DAGLA: variants seen among roughly 807,000 people sequenced by gnomAD.
DAGLA encodes the protein diacylglycerol lipase-alpha.
Under a neutral mutation model 102.6 loss-of-function variants are expected in DAGLA, and 22 were observed. The observed-to-expected ratio is 0.21, with a 90% CI of 0.15 to 0.31. The LOEUF is 0.31. Among genes scored for constraint, DAGLA ranks in the 10% least tolerant of loss-of-function variants. The probability of loss-of-function intolerance (pLI) is 1.00; values close to 1 mark genes in which losing one functional copy is unlikely to be tolerated. For missense variants in DAGLA, 927 were observed against 1,446.6 expected, an observed-to-expected ratio of 0.64 and a Z score of 5.83; for synonymous variants, 578 against 628.9, an observed-to-expected ratio of 0.92 and a Z score of 1.21.
At position 61,744,351 on chromosome 11, in the gene DAGLA, G is replaced by A. The variant is rs776916642; in HGVS notation, c.2991G>A (p.Ser997=). ...SLSPSFPLSS[S]GELMDLTPTG... ...CGCCCTCCTTCCCGCTCAGCTCCTC[G>A]GGTGAGCTCATGGACCTGACGCCCA... Residue 997 remains serine, a synonymous_variant, in exon 20 of 20, where the codon TCG becomes TCA. Transcript: ENST00000257215. The A allele has an allele frequency of 8.7e-6, 14 of 1,612,378 alleles. No individual in the cohort carries two copies. The highest frequency in any genetic ancestry group is 5.3e-5 in the African/African-American group (4 of 74,898).
At chr11:61,729,576 C>T (rs1208591144) in intron 8 of DAGLA, among the ~76,000 whole-genome samples, 1 of 152,144 alleles carries the variant, frequency 6.6e-6, no homozygotes, top group Non-Finnish European at 1.5e-5. Flanking sequence ...ATGGCTGGAG[C>T]GTGCATCTGC....
chr11:61,735,059 G>C (rs554503710), intron 10 of DAGLA, 57 bp downstream of exon 10: 1 of 1,579,878 alleles, frequency 6.3e-7, no homozygotes, highest in African/African-American at 1.3e-5. Flanking sequence ...AGGGCCTAGG[G>C]TGCTGAGGCT....
chr11:61,702,095 T>C (rs1166811457), intron 1 of DAGLA, among the ~76,000 whole-genome samples: 3 of 152,184 alleles, frequency 2.0e-5, no homozygotes, highest in African/African-American at 2.4e-5. Context: ...AAAATTTTTT[T>C]TGTAAAAATG....
At chr11:61,692,103 T>C (rs997984424) in intron 1 of DAGLA, among the ~76,000 whole-genome samples, 1 of 152,184 alleles carries the variant, frequency 6.6e-6, no homozygotes, top group Non-Finnish European at 1.5e-5. Flanking sequence ...GGGCAGTGTT[T>C]GACCCATAGT....
intron 12 of DAGLA, 143 bp downstream of exon 12, chr11:61,735,959 G>C: frequency 1.2e-6 from 1 of 802,916 alleles, no homozygotes; most frequent in South Asian, 1.7e-5. Context: ...TAGTCTGGAA[G>C]GCCCGTTGCG....
chr11:61,744,588 C>T lies in DAGLA; in HGVS notation c.*99C>T. 1.9e-6 allele frequency: 2 copies of T among 1,063,408 alleles called. No homozygotes were observed. The allele number at this position is 1,063,408 out of a possible 1,614,324, so 65.9% of individuals were successfully genotyped here. On this transcript the variant is annotated 3_prime_UTR_variant, in exon 20 of 20. Transcript: ENST00000257215. ...CCGGGCAGCTTTAAGGACAGACCCC[C>T]AGGGGCAGTTTAGCCTCAGGCACAG...
At chr11:61,695,358 C>G (rs182018577) in intron 1 of DAGLA, among the ~76,000 whole-genome samples, 1 of 152,244 alleles carries the variant, frequency 6.6e-6, no homozygotes, top group Non-Finnish European at 1.5e-5. Context: ...TGACCCGCCC[C>G]GGTTTCCTTG....
At chr11:61,699,328 C>T (rs1397617694) in intron 1 of DAGLA, among the ~76,000 whole-genome samples, 1 of 152,206 alleles carries the variant, frequency 6.6e-6, no homozygotes, top group Non-Finnish European at 1.5e-5. Flanking sequence ...GCCAGGTGAG[C>T]ATGCCCTGGG....
rs576900848 is a variant in DAGLA at position 61,739,324 on chromosome 11, G to A, written c.1657-141G>A. ...GTGGGCACCGACCTTTAATGCTCTG[G>A]CCACTGCCCTTCCCCTGCCCCTTTG... On this transcript the variant is annotated intron_variant, in intron 16 of 19. Coordinates refer to ENST00000257215, the MANE Select transcript of DAGLA (RefSeq NM_006133.3). 5 of 830,436 alleles carry A rather than the reference G, an allele frequency of 6.0e-6. No individual in the cohort carries two copies. In the African/African-American group the frequency reaches 6.7e-5, roughly 11 times the overall value. The allele number at this position is 830,436 out of a possible 1,614,324, so 51.4% of individuals were successfully genotyped here.
intron 16 of DAGLA, 72 bp downstream of exon 16, chr11:61,738,279 T>C: frequency 1.5e-6 from 2 of 1,343,482 alleles, no homozygotes. Context: ...CACCGGTTTC[T>C]TGGGACAAAG....
intron 9 of DAGLA, 109 bp downstream of exon 9, chr11:61,731,550 C>T: frequency 2.1e-6 from 3 of 1,424,228 alleles, no homozygotes; most frequent in Non-Finnish European, 2.9e-6. Flanking sequence ...GGCTTCTTTT[C>T]TACACCTTCT....
intron 1 of DAGLA, among the ~76,000 whole-genome samples, chr11:61,698,484 GC>G (rs1183304279): frequency 6.6e-6 from 1 of 152,222 alleles, no homozygotes; most frequent in African/African-American, 2.4e-5. Context: ...TGGGGAGGCA[GC>G]CTGCAAGCCT....
At chr11:61,706,034 G>C (rs969639004) in intron 1 of DAGLA, among the ~76,000 whole-genome samples, 22 of 152,218 alleles carry the variant, frequency 1.4e-4, no homozygotes, top group Admixed American at 1.1e-3. Flanking sequence ...TCACTCAGAA[G>C]CGTGCTACCA....
At chr11:61,712,680 C>T (rs1180128193) in intron 1 of DAGLA, among the ~76,000 whole-genome samples, 1 of 152,166 alleles carries the variant, frequency 6.6e-6, no homozygotes, top group Non-Finnish European at 1.5e-5. Context: ...CGCACGTGGC[C>T]CCCAGCCCAC....
At position 61,692,091 on chromosome 11, in the gene DAGLA, G is replaced by C. The variant is rs901001109; in HGVS notation, c.-45+11587G>C. ...TGGAGCACACCTCACCTTGAGTCTG[G>C]AGGGCAGTGTTTGACCCATAGTCAG... On this transcript the variant is annotated intron_variant, in intron 1 of 19. Coordinates refer to ENST00000257215, the MANE Select transcript of DAGLA (RefSeq NM_006133.3). 7.9e-5 allele frequency among the ~76,000 whole-genome samples: 12 copies of C among 152,274 alleles called. No individual in the cohort carries two copies. In the East Asian group the frequency reaches 2.3e-3, roughly 29 times the overall value.
At position 61,744,034 on chromosome 11, in the gene DAGLA, C is replaced by G. The variant is rs771641156; in HGVS notation, c.2674C>G (p.Arg892Gly). Residue 892 changes from arginine to glycine, a missense_variant, in exon 20 of 20, where the codon CGC becomes GGC. By Grantham distance (125) the Arg-to-Gly change is moderately radical. Around this residue, in one of 4 missense-constraint regions of DAGLA, gnomAD observed 434 missense variants for 503.3 expected, o/e 0.86. Coordinates refer to ENST00000257215, the MANE Select transcript of DAGLA (RefSeq NM_006133.3). ...VGGGGGGPASRGELALHNGRL... is the reference protein window; with the variant it reads ...VGGGGGGPASGGELALHNGRL... ...CGGTGGGGGTGGCGGGCCGGCCTCC[C>G]GCGGGGAGCTGGCGCTGCACAATGG... is the stretch of plus-strand genomic sequence containing the variant. 3 of 1,612,184 alleles carry G rather than the reference C, an allele frequency of 1.9e-6. No homozygotes were observed. The highest frequency in any genetic ancestry group is 1.3e-5 in the African/African-American group (1 of 74,906).
chr11:61,735,240 TG>T (rs2065413358), intron 10 of DAGLA, among the ~76,000 whole-genome samples: 1 of 152,134 alleles, frequency 6.6e-6, no homozygotes. Flanking sequence ...ACCCAGTGTT[TG>T]GGTTGCCGAG....
At chr11:61,702,949 G>A (rs894877345) in intron 1 of DAGLA, among the ~76,000 whole-genome samples, 6 of 152,354 alleles carry the variant, frequency 3.9e-5, no homozygotes, top group Admixed American at 6.5e-5. Flanking sequence ...CAGCGTGGTC[G>A]TTGGTAGCCA....
intron 9 of DAGLA, among the ~76,000 whole-genome samples, chr11:61,731,743 A>AT (rs933004591): frequency 2.0e-5 from 3 of 152,068 alleles, no homozygotes; most frequent in African/African-American, 4.8e-5. Context: ...ACCTCGTGGA[A>AT]TTTTTTGGAG....
Sources: allele counts gnomAD v4.1 joint callset (sites outside exome capture counted in the v4.1 genomes callset), GRCh38; gene constraint gnomAD v4.1.1; regional missense constraint gnomAD v4.1.1; transcripts MANE v1.5; gene names NCBI Gene and HGNC (gene_info 2026-07-23, HGNC 2026-07-21).